MAPK8: variants seen among roughly 807,000 people sequenced by gnomAD.
MAPK8 encodes mitogen-activated protein kinase 8, also known as JUN N-terminal kinase.
Under a neutral mutation model 52.9 loss-of-function variants are expected in MAPK8, and 13 were observed. The observed-to-expected ratio is 0.25, with a 90% CI of 0.16 to 0.39. The LOEUF is 0.39. Ranked by LOEUF, MAPK8 falls within the 10% of genes least tolerant of loss-of-function variation. MAPK8 has a pLI of 1.00. For synonymous variants in MAPK8, 191 were observed against 169.8 expected (o/e 1.12, Z -0.97); for missense variants, 300 against 519.2 (o/e 0.58, Z 4.10).
intron 1 of MAPK8, among the ~76,000 whole-genome samples, chr10:48,394,825 A>G (rs1417238182): frequency 3.3e-5 from 5 of 151,858 alleles, no homozygotes; most frequent in Non-Finnish European, 2.9e-5. Flanking sequence ...AAAAAAGCCT[A>G]CTAAGATGAA....
chr10:48,387,248 C>T (rs936166237), intron 1 of MAPK8, among the ~76,000 whole-genome samples: 10 of 152,276 alleles, frequency 6.6e-5, no homozygotes, highest in South Asian at 4.1e-4. Flanking sequence ...GTGGCCAGGG[C>T]AAACAAAGTT....
At chr10:48,420,737 T>C (rs1296834057) in intron 6 of MAPK8, among the ~76,000 whole-genome samples, 3 of 152,200 alleles carry the variant, frequency 2.0e-5, no homozygotes, top group Non-Finnish European at 2.9e-5. Flanking sequence ...GCAGTAGCAC[T>C]CATTGTAAAT....
At chr10:48,357,919 C>CT (rs1386456067) in intron 1 of MAPK8, among the ~76,000 whole-genome samples, 4 of 152,086 alleles carry the variant, frequency 2.6e-5, no homozygotes, top group Non-Finnish European at 2.9e-5. Context: ...CTGGGTTTGT[C>CT]TTTTTTGGAT....
At chr10:48,322,561 A>G (rs1453898907) in intron 1 of MAPK8, among the ~76,000 whole-genome samples, 1 of 152,100 alleles carries the variant, frequency 6.6e-6, no homozygotes, top group Admixed American at 6.6e-5. Context: ...GGTCTATTTT[A>G]TGTTTTATTT....
chr10:48,337,503 A>G (rs1286222299), intron 1 of MAPK8, among the ~76,000 whole-genome samples: 1 of 152,198 alleles, frequency 6.6e-6, no homozygotes, highest in Non-Finnish European at 1.5e-5. Flanking sequence ...ATCAAAAGAA[A>G]GATCTCAAAT....
chr10:48,374,496 CTAAT>C (rs2040531463), intron 1 of MAPK8, among the ~76,000 whole-genome samples: 1 of 151,894 alleles, frequency 6.6e-6, no homozygotes, highest in South Asian at 2.1e-4. Flanking sequence ...GCTAGCCAGA[CTAAT>C]AAAGAAGAAA....
At chr10:48,417,616 T>C (rs752105948) in intron 5 of MAPK8, among the ~76,000 whole-genome samples, 4 of 152,196 alleles carry the variant, frequency 2.6e-5, no homozygotes, top group Non-Finnish European at 4.4e-5. Context: ...CATCCTTTTC[T>C]CATGGTGAAA....
chr10:48,392,672 C>T (rs1322785914), intron 1 of MAPK8, among the ~76,000 whole-genome samples: 1 of 151,936 alleles, frequency 6.6e-6, no homozygotes, highest in Non-Finnish European at 1.5e-5. Context: ...CACTCTTCCT[C>T]TCTTTATTGG....
At chr10:48,334,374 G>T (rs1019666667) in intron 1 of MAPK8, among the ~76,000 whole-genome samples, 1 of 151,860 alleles carries the variant, frequency 6.6e-6, no homozygotes, top group Non-Finnish European at 1.5e-5. Context: ...CGTTTCCCTC[G>T]CAGAACGGAA....
intron 3 of MAPK8, among the ~76,000 whole-genome samples, chr10:48,406,653 G>C (rs376750127): frequency 6.6e-6 from 1 of 152,284 alleles, no homozygotes; most frequent in Middle Eastern, 3.4e-3. Context: ...ACTCACCCAT[G>C]GATGGATGTT....
At chr10:48,402,245 C>T (rs1320203113) in intron 2 of MAPK8, among the ~76,000 whole-genome samples, 1 of 152,150 alleles carries the variant, frequency 6.6e-6, no homozygotes, top group African/African-American at 2.4e-5. Flanking sequence ...AATACTTGGG[C>T]ATAGCCATTG....
chr10:48,322,090 A>C (rs140885735), intron 1 of MAPK8, among the ~76,000 whole-genome samples: 7 of 152,306 alleles, frequency 4.6e-5, no homozygotes, highest in African/African-American at 1.7e-4. Context: ...GACAGGTTAG[A>C]GGGTCTGTCT....
intron 1 of MAPK8, among the ~76,000 whole-genome samples, chr10:48,323,043 G>A (rs1245877522): frequency 6.6e-6 from 1 of 152,110 alleles, no homozygotes; most frequent in Non-Finnish European, 1.5e-5. Context: ...TGAAATTGTA[G>A]TATATGTGGT....
intron 1 of MAPK8, among the ~76,000 whole-genome samples, chr10:48,327,587 C>T (rs1422086799): frequency 1.3e-5 from 2 of 152,134 alleles, no homozygotes; most frequent in Non-Finnish European, 2.9e-5. Flanking sequence ...TAGAGTAAGG[C>T]TGCTCTTTTA....
At chr10:48,353,179 T>C (rs567269974) in intron 1 of MAPK8, among the ~76,000 whole-genome samples, 11 of 152,296 alleles carry the variant, frequency 7.2e-5, no homozygotes, top group African/African-American at 2.6e-4. Context: ...CTAAAATAGA[T>C]GTAATACAAG....
chr10:48,311,904 A>G (rs4354648), intron 1 of MAPK8, among the ~76,000 whole-genome samples: 25,752 of 152,200 alleles, frequency 0.17, 3,180 homozygotes, highest in African/African-American at 0.32. Context: ...GCATTGCACT[A>G]TACTAATCCA....
chr10:48,337,653 A>G (rs1218057606), intron 1 of MAPK8, among the ~76,000 whole-genome samples: 1 of 152,142 alleles, frequency 6.6e-6, no homozygotes, highest in Non-Finnish European at 1.5e-5. Context: ...AGAATCAACA[A>G]AACGGAAAGT....
At chr10:48,339,113 G>C (rs929303024) in intron 1 of MAPK8, among the ~76,000 whole-genome samples, 15 of 151,928 alleles carry the variant, frequency 9.9e-5, no homozygotes, top group Non-Finnish European at 5.9e-5. Flanking sequence ...AAATACAATA[G>C]AGCCTAAATA....
At chr10:48,428,305 T>A (rs1028624181) in intron 10 of MAPK8, among the ~76,000 whole-genome samples, 4 of 152,224 alleles carry the variant, frequency 2.6e-5, no homozygotes, top group African/African-American at 9.6e-5. Flanking sequence ...TCCATTTGTG[T>A]TATTGTCCTT....
Sources: allele counts gnomAD v4.1 joint callset (sites outside exome capture counted in the v4.1 genomes callset), GRCh38; gene constraint gnomAD v4.1.1; transcripts MANE v1.5; gene names NCBI Gene and HGNC (gene_info 2026-07-23, HGNC 2026-07-21).